TYW1: variants seen among roughly 807,000 people sequenced by gnomAD.
TYW1 encodes S-adenosyl-L-methionine-dependent tRNA 4-demethylwyosine synthase TYW1.
In TYW1, 46 loss-of-function variants were observed where a neutral mutation model predicts 96.2. That is an observed-to-expected ratio of 0.48 (90% CI 0.38 to 0.61). The LOEUF (loss-of-function observed/expected upper bound fraction) is 0.61. TYW1 is among the 20% of genes least tolerant of loss of function. The pLI is 0.00. For synonymous variants in TYW1, 274 were observed against 323.0 expected (o/e 0.85, Z 1.63); for missense variants, 684 against 909.6 (o/e 0.75, Z 3.19).
chr7:67,081,521 T>G (rs1796392475), intron 10 of TYW1, among the ~76,000 whole-genome samples: 1 of 151,974 alleles, frequency 6.6e-6, no homozygotes, highest in Non-Finnish European at 1.5e-5. Flanking sequence ...AGCTTTTATT[T>G]CATTAAAACC....
In TYW1 at chr7:67,098,732, C is replaced by T; in HGVS notation, c.1562+14C>T. 6.3e-7 allele frequency: 1 copy of T among 1,593,654 alleles called. No individual in the cohort carries two copies. The highest frequency in any genetic ancestry group is 8.5e-7 in the Non-Finnish European group (1 of 1,172,530). ...TGCGGAAATCAGGTGAGTTCTCCAG[C>T]CTATGGAGAGATGCTGCTTGAATCT... is the stretch of plus-strand genomic sequence containing the variant. On this transcript the variant is annotated intron_variant, in intron 12 of 15. Transcript: ENST00000359626.
rs111805340 is a variant in TYW1, at chr7:67,119,629, A to G, written c.1698+2011A>G. 6.6e-4 allele frequency among the ~76,000 whole-genome samples: 101 copies of G among 152,246 alleles called. 1 individual carries two copies. Among genetic ancestry groups the G allele is most frequent in the African/African-American group, 2.3e-3 (97 of 41,536 alleles). On this transcript the variant is annotated intron_variant, in intron 13 of 15. Transcript: ENST00000359626. Reference sequence around the variant, plus strand: ...TACTGCAAAGTCTTTTCTGATTACAATTAGCTGCCCCTTTTTCCCTTCCTA... The same window carrying G: ...TACTGCAAAGTCTTTTCTGATTACAGTTAGCTGCCCCTTTTTCCCTTCCTA...
chr7:67,198,045 C>T (rs537043495), intron 15 of TYW1, among the ~76,000 whole-genome samples: 1 of 151,222 alleles, frequency 6.6e-6, no homozygotes, highest in African/African-American at 2.4e-5. Flanking sequence ...GTCCTTTGCC[C>T]TAAATGTTTC....
At chr7:67,109,945 T>C (rs1298359343) in intron 12 of TYW1, among the ~76,000 whole-genome samples, 1 of 152,094 alleles carries the variant, frequency 6.6e-6, no homozygotes, top group African/African-American at 2.4e-5. Context: ...CCAGCCGCTG[T>C]GGGAGGGGGC....
rs535642821 is a variant in TYW1, at chr7:67,013,120, C to CT, written c.376-1235dup. On this transcript the variant is annotated intron_variant, in intron 4 of 15. Transcript: ENST00000359626. ...CTCTCTGTATTTTTTCTTTTCTTTT[C>CT]TTTTTTTTTTTTGAGATGGAGTCTT... Among the ~76,000 whole-genome samples the CT allele has an allele frequency of 7.2e-3, 1,019 of 141,522 alleles. 8 individuals are homozygous for CT. The highest frequency in any genetic ancestry group is 0.02 in the African/African-American group (796 of 38,872). The allele number at this position is 141,522 out of a possible 152,430, so 92.8% of individuals were successfully genotyped here. A position where few individuals can be genotyped will look rare whatever the true frequency, so the allele number is the denominator to read the frequency against.
intron 14 of TYW1, among the ~76,000 whole-genome samples, chr7:67,194,635 T>TAAA (rs1429908224): frequency 2.0e-5 from 3 of 150,790 alleles, no homozygotes; most frequent in African/African-American, 7.4e-5. Context: ...AAAATGATAA[T>TAAA]AATAATAATT....
At chr7:67,056,492 CAA>C (rs911271482) in intron 9 of TYW1, among the ~76,000 whole-genome samples, 28 of 65,822 alleles carry the variant, frequency 4.3e-4, no homozygotes, top group Admixed American at 1.0e-3. Flanking sequence ...GATTCCATCT[CAA>C]AAAAAAAAAA....
chr7:67,089,427 G>A (rs796861246), intron 11 of TYW1: 52 of 1,239,014 alleles, frequency 4.2e-5, no homozygotes, highest in East Asian at 3.0e-4. Context: ...CGCTGGGTGC[G>A]GAAGACTCCA....
At chr7:67,044,456 C>CT (rs1795126557) in intron 7 of TYW1, among the ~76,000 whole-genome samples, 2 of 152,212 alleles carry the variant, frequency 1.3e-5, no homozygotes, top group African/African-American at 4.8e-5. Context: ...GAAGTATGGT[C>CT]TAAGTTTCCG....
chr7:67,050,065 A>G lies in TYW1; in HGVS notation c.1101A>G (p.Gln367=). 1.2e-6 allele frequency: 2 copies of G among 1,612,470 alleles called. No individual in the cohort carries two copies. The highest frequency in any genetic ancestry group is 1.7e-6 in the Non-Finnish European group (2 of 1,179,392). ...CTCTCCGAGAAGCCCTTACTAAACA[A>G]GGTGAAAATCTTCAAGAATTGTTGT... ...TPALREALTK[Q]GYQLIGSHSG... The change falls in exon 8 of 16, where the codon CAA becomes CAG. Residue 367 remains glutamine, a splice_region_variant and synonymous_variant. Transcript: ENST00000359626.
intron 12 of TYW1, among the ~76,000 whole-genome samples, chr7:67,107,495 G>C (rs1797278097): frequency 6.6e-6 from 1 of 152,178 alleles, no homozygotes; most frequent in Non-Finnish European, 1.5e-5. Flanking sequence ...CTGTGGGCTA[G>C]GTTTGAATCT....
chr7:67,202,153 T>C (rs1308346947), intron 15 of TYW1, among the ~76,000 whole-genome samples: 1 of 152,194 alleles, frequency 6.6e-6, no homozygotes. Context: ...CTTTTCGTTG[T>C]TGATCTCGGA....
intron 11 of TYW1, among the ~76,000 whole-genome samples, chr7:67,084,133 C>T (rs754843963): frequency 1.3e-5 from 2 of 152,154 alleles, no homozygotes; most frequent in Non-Finnish European, 2.9e-5. Flanking sequence ...TTCCTAGAAA[C>T]CTTTGCTGTT....
chr7:67,200,076 G>A (rs937082063), intron 15 of TYW1, among the ~76,000 whole-genome samples: 7 of 152,216 alleles, frequency 4.6e-5, no homozygotes, highest in African/African-American at 1.7e-4. Flanking sequence ...CAAGGAGCTC[G>A]CGGTTTAGTG....
At chr7:67,108,583 C>T (rs755383197) in intron 12 of TYW1, among the ~76,000 whole-genome samples, 16 of 151,638 alleles carry the variant, frequency 1.1e-4, no homozygotes, top group African/African-American at 2.7e-4. Context: ...CTGGGAATAC[C>T]GGTGCGCGCC....
At chr7:67,050,280 T>C (rs1206228358) in intron 8 of TYW1, among the ~76,000 whole-genome samples, 1 of 152,154 alleles carries the variant, frequency 6.6e-6, no homozygotes, top group African/African-American at 2.4e-5. Flanking sequence ...GATATTACTA[T>C]CAGTGTGGGT....
intron 15 of TYW1, among the ~76,000 whole-genome samples, chr7:67,207,447 G>A (rs67650940): frequency 0.27 from 40,760 of 151,990 alleles, 5,821 homozygotes; most frequent in African/African-American, 0.36. Context: ...TATGTCATCA[G>A]TGACCTGCTA....
intron 1 of TYW1, among the ~76,000 whole-genome samples, chr7:66,997,762 G>A (rs569645408): frequency 1.3e-4 from 19 of 151,906 alleles, no homozygotes; most frequent in African/African-American, 4.6e-4. Flanking sequence ...CCGAGTAGCT[G>A]GGATTACAGG....
intron 13 of TYW1, among the ~76,000 whole-genome samples, chr7:67,167,799 G>C (rs1009260153): frequency 4.0e-5 from 6 of 151,816 alleles, no homozygotes; most frequent in Admixed American, 6.6e-5. Flanking sequence ...CTGTCGCCCA[G>C]GCTGGAGTGC....
Sources: allele counts gnomAD v4.1 joint callset (sites outside exome capture counted in the v4.1 genomes callset), GRCh38; gene constraint gnomAD v4.1.1; transcripts MANE v1.5; gene names NCBI Gene and HGNC (gene_info 2026-07-23, HGNC 2026-07-21).